The following XPR1 variants were observed in gnomAD, a reference collection of about 807,000 sequenced individuals.
The protein encoded by XPR1 is xenotropic and polytropic retrovirus receptor 1.
XPR1 carries 28 observed loss-of-function variants against 87.5 expected under a neutral mutation model. That is an observed-to-expected ratio of 0.32 (90% confidence interval 0.24 to 0.44). The LOEUF is 0.44. XPR1 is among the 20% of genes least tolerant of loss of function. The pLI is 1.00. For missense variants in XPR1, 559 were observed against 862.3 expected (o/e 0.65, Z 4.41); for synonymous variants, 300 against 306.1 (o/e 0.98, Z 0.21).
chr1:180,683,571 T>A (rs919590515), intron 2 of XPR1, among the ~76,000 whole-genome samples: 1 of 152,144 alleles, frequency 6.6e-6, no homozygotes, highest in Non-Finnish European at 1.5e-5. Flanking sequence ...AACTAGTTTA[T>A]GGTCCCACCG....
intron 2 of XPR1, among the ~76,000 whole-genome samples, chr1:180,727,322 G>T (rs1049250618): frequency 6.6e-6 from 1 of 152,104 alleles, no homozygotes; most frequent in Admixed American, 6.5e-5. Flanking sequence ...AAGAAAGAAT[G>T]TGAGGCAAGT....
chr1:180,777,283 G>A (rs1395757661), intron 2 of XPR1, among the ~76,000 whole-genome samples: 1 of 152,018 alleles, frequency 6.6e-6, no homozygotes, highest in African/African-American at 2.4e-5. Context: ...CGTCTCACTG[G>A]TCTCCCGACA....
intron 2 of XPR1, among the ~76,000 whole-genome samples, chr1:180,763,254 T>C (rs567614741): frequency 6.6e-6 from 1 of 152,336 alleles, no homozygotes; most frequent in South Asian, 2.1e-4. Context: ...AGAAGGAGTT[T>C]AGCATGAAGG....
At chr1:180,794,705 T>C (rs961296588) in intron 3 of XPR1, among the ~76,000 whole-genome samples, 3 of 152,132 alleles carry the variant, frequency 2.0e-5, no homozygotes, top group Non-Finnish European at 2.9e-5. Context: ...GGGAGGTTGT[T>C]TGGGGATGGC....
intron 2 of XPR1, among the ~76,000 whole-genome samples, chr1:180,761,057 AGCC>A (rs1472509158): frequency 1.3e-5 from 2 of 152,332 alleles, no homozygotes; most frequent in East Asian, 1.9e-4. Context: ...AAAACTGGCT[AGCC>A]ATATGTAGAA....
At chr1:180,805,827 G>A (rs1002276003) in intron 4 of XPR1, among the ~76,000 whole-genome samples, 4 of 152,044 alleles carry the variant, frequency 2.6e-5, no homozygotes, top group Non-Finnish European at 5.9e-5. Context: ...GAAATAATAG[G>A]GTTCATAGTT....
chr1:180,881,536 G>A (rs1283222323), intron 14 of XPR1, among the ~76,000 whole-genome samples: 2 of 152,202 alleles, frequency 1.3e-5, no homozygotes, highest in East Asian at 1.9e-4. Context: ...TAATAGCACT[G>A]TGTAAGATAT....
At chr1:180,644,820 TGTA>T (rs1391687078) in intron 1 of XPR1, among the ~76,000 whole-genome samples, 2 of 152,028 alleles carry the variant, frequency 1.3e-5, no homozygotes, top group Admixed American at 6.6e-5. Flanking sequence ...ATATTTACAT[TGTA>T]GTATATAATG....
chr1:180,791,969 G>A (rs1243237020), intron 3 of XPR1, among the ~76,000 whole-genome samples: 1 of 152,216 alleles, frequency 6.6e-6, no homozygotes, highest in Non-Finnish European at 1.5e-5. Flanking sequence ...AGTGAGGCAC[G>A]TCTCTTGATG....
At chr1:180,635,835 C>T (rs1173768762) in intron 1 of XPR1, among the ~76,000 whole-genome samples, 1 of 152,188 alleles carries the variant, frequency 6.6e-6, no homozygotes, top group Non-Finnish European at 1.5e-5. Flanking sequence ...TCTAAGCTCA[C>T]AACCCCCGTA....
chr1:180,852,414 C>CT (rs1388270846), intron 11 of XPR1, among the ~76,000 whole-genome samples: 5 of 151,838 alleles, frequency 3.3e-5, no homozygotes, highest in Admixed American at 1.3e-4. Context: ...CCCCTGTTGC[C>CT]TTTTTTGCAC....
At chr1:180,841,907 G>T (rs1651529207) in intron 11 of XPR1, among the ~76,000 whole-genome samples, 1 of 152,078 alleles carries the variant, frequency 6.6e-6, no homozygotes, top group Non-Finnish European at 1.5e-5. Context: ...AGGAACCATT[G>T]ACAGAAAATT....
At chr1:180,771,337 T>C (rs1648504853) in intron 2 of XPR1, among the ~76,000 whole-genome samples, 1 of 152,190 alleles carries the variant, frequency 6.6e-6, no homozygotes, top group South Asian at 2.1e-4. Context: ...TCTGATTTTG[T>C]ATGAAATAAT....
At chr1:180,821,531 A>G (rs577675098) in intron 7 of XPR1, among the ~76,000 whole-genome samples, 159 of 152,022 alleles carry the variant, frequency 1.0e-3, no homozygotes, top group African/African-American at 2.8e-3. Flanking sequence ...GCTATTTGGG[A>G]CCTCTTGGAA....
At chr1:180,659,236 TCCTTCCTTCCTTCCTCCCTCCCTC>T (rs1655660683) in intron 1 of XPR1, among the ~76,000 whole-genome samples, 3 of 22,094 alleles carry the variant, frequency 1.4e-4, no homozygotes, top group South Asian at 2.0e-3. Flanking sequence ...CTTCCTTCCT[TCCTTCCTTCCTTCCTCCCTCCCTC>T]CCTCCCTCCC....
intron 1 of XPR1, among the ~76,000 whole-genome samples, chr1:180,638,399 G>C (rs1336027173): frequency 4.6e-5 from 7 of 152,146 alleles, no homozygotes; most frequent in Non-Finnish European, 1.0e-4. Context: ...ACCACAGCTG[G>C]TTTGTGGGTT....
intron 2 of XPR1, among the ~76,000 whole-genome samples, chr1:180,739,831 C>T (rs1190608124): frequency 6.6e-6 from 1 of 152,018 alleles, no homozygotes; most frequent in Non-Finnish European, 1.5e-5. Flanking sequence ...ACCTCTGCCT[C>T]CCAGATTCAA....
intron 2 of XPR1, among the ~76,000 whole-genome samples, chr1:180,778,888 C>G (rs1438445324): frequency 6.6e-6 from 1 of 152,122 alleles, no homozygotes; most frequent in Non-Finnish European, 1.5e-5. Flanking sequence ...CCCCCTAAAA[C>G]TCATCAATAT....
chr1:180,741,510 G>T (rs1456620040), intron 2 of XPR1, among the ~76,000 whole-genome samples: 1 of 151,626 alleles, frequency 6.6e-6, no homozygotes, highest in African/African-American at 2.4e-5. Context: ...TTTTTAGATA[G>T]AGTCTCACTC....
Sources: gnomAD v4.1 joint callset for allele counts (sites outside exome capture counted in the v4.1 genomes callset) on GRCh38, gnomAD v4.1.1 for gene constraint, MANE v1.5 for transcripts, NCBI Gene and HGNC (gene_info 2026-07-23, HGNC 2026-07-21) for gene names.